The following SNTG1 variants were observed in gnomAD, a reference collection of about 807,000 sequenced individuals.
SNTG1 encodes syntrophin gamma 1.
SNTG1 carries 39 observed loss-of-function variants against 74.7 expected under a neutral mutation model. The observed-to-expected ratio is 0.52, with a 90% CI of 0.40 to 0.68. The LOEUF (loss-of-function observed/expected upper bound fraction) is 0.68. Among genes scored for constraint, SNTG1 ranks in the 30% least tolerant of loss-of-function variants. The pLI is 0.00. For synonymous variants in SNTG1, 254 were observed against 217.1 expected (o/e 1.17, Z -1.49); for missense variants, 685 against 609.5 (o/e 1.12, Z -1.30).
intron 2 of SNTG1, among the ~76,000 whole-genome samples, chr8:50,383,658 A>T (rs1472098389): frequency 6.6e-6 from 1 of 152,108 alleles, no homozygotes; most frequent in African/African-American, 2.4e-5. Flanking sequence ...TGGTAAGGTA[A>T]CCCAAATCTT....
At chr8:50,780,886 A>G (rs1413369420) in intron 18 of SNTG1, among the ~76,000 whole-genome samples, 1 of 152,176 alleles carries the variant, frequency 6.6e-6, no homozygotes, top group Non-Finnish European at 1.5e-5. Context: ...TGTGGCCCAG[A>G]GATTCTGGTA....
At position 50,401,177 on chromosome 8, in the gene SNTG1, T is replaced by C. The variant is rs80059125; in HGVS notation, c.28-1033T>C. Among the ~76,000 whole-genome samples the C allele has an allele frequency of 6.2e-3, 951 of 152,260 alleles. 38 individuals are homozygous for C. The highest frequency in any genetic ancestry group is 0.055 in the Admixed American group (833 of 15,282). On this transcript the variant is annotated intron_variant, in intron 3 of 18. Coordinates refer to ENST00000642720, the MANE Select transcript of SNTG1 (RefSeq NM_018967.5). ...CACTATCTTAAGAATGACTCAATAA[T>C]TATTACAAGAAAATGTCATTTCCAA...
chr8:50,453,171 T>C (rs1235230806), intron 8 of SNTG1, among the ~76,000 whole-genome samples: 1 of 152,220 alleles, frequency 6.6e-6, no homozygotes, highest in Non-Finnish European at 1.5e-5. Context: ...ACTTTTGTGT[T>C]GGAGTTATCA....
chr8:50,184,442 G>A (rs980479091), intron 2 of SNTG1, among the ~76,000 whole-genome samples: 2 of 152,090 alleles, frequency 1.3e-5, no homozygotes, highest in African/African-American at 4.8e-5. Flanking sequence ...GGGATTACAG[G>A]TGTGAGCCAC....
intron 2 of SNTG1, among the ~76,000 whole-genome samples, chr8:50,226,060 G>A (rs771397933): frequency 3.8e-4 from 58 of 152,130 alleles, no homozygotes; most frequent in Non-Finnish European, 7.4e-4. Flanking sequence ...TGCAAATAGT[G>A]TTATTTTTAT....
At chr8:50,755,156 G>T (rs567958751) in intron 18 of SNTG1, among the ~76,000 whole-genome samples, 47 of 151,850 alleles carry the variant, frequency 3.1e-4, no homozygotes, top group African/African-American at 1.1e-3. Context: ...GACTCTTGGT[G>T]TTGCATATGT....
At chr8:49,990,917 G>A (rs1272243241) in intron 1 of SNTG1, among the ~76,000 whole-genome samples, 4 of 152,098 alleles carry the variant, frequency 2.6e-5, no homozygotes, top group African/African-American at 9.7e-5. Flanking sequence ...ATAAGCTTGA[G>A]TAGCAATAGA....
intron 17 of SNTG1, among the ~76,000 whole-genome samples, chr8:50,733,676 A>G (rs574123356): frequency 1.6e-4 from 24 of 151,982 alleles, no homozygotes; most frequent in Non-Finnish European, 3.1e-4. Context: ...TTCTCTGATG[A>G]TTAGTGATGC....
intron 1 of SNTG1, among the ~76,000 whole-genome samples, chr8:50,151,281 G>A (rs1469401672): frequency 1.3e-5 from 2 of 151,818 alleles, no homozygotes; most frequent in African/African-American, 4.8e-5. Context: ...TTTTTATTGG[G>A]TTTATTTTAT....
rs142539030 is a variant in SNTG1, at chr8:50,423,198, G to A, written c.163-15345G>A. ...GGAATCAAAGTAGAAACCAATAACA[G>A]GGAGATACAAGGAAAATCTTCAAAC... On this transcript the variant is annotated intron_variant, in intron 4 of 18. Coordinates refer to ENST00000642720, the MANE Select transcript of SNTG1 (RefSeq NM_018967.5). 7.2e-5 allele frequency among the ~76,000 whole-genome samples: 11 copies of A among 152,268 alleles called. No individual in the cohort carries two copies. In the East Asian group the frequency reaches 1.9e-3, roughly 27 times the overall value.
chr8:50,152,044 T>A (rs2082086609), intron 1 of SNTG1, among the ~76,000 whole-genome samples: 1 of 152,184 alleles, frequency 6.6e-6, no homozygotes, highest in Non-Finnish European at 1.5e-5. Context: ...TGTGGGAGTC[T>A]AAGTCTCTTT....
intron 18 of SNTG1, among the ~76,000 whole-genome samples, chr8:50,774,650 G>C (rs1477658952): frequency 4.0e-5 from 6 of 151,576 alleles, no homozygotes; most frequent in Non-Finnish European, 5.9e-5. Flanking sequence ...ACCATTAAAG[G>C]TAAATACATA....
At chr8:50,228,338 G>GA (rs1435881724) in intron 2 of SNTG1, among the ~76,000 whole-genome samples, 1 of 151,674 alleles carries the variant, frequency 6.6e-6, no homozygotes, top group African/African-American at 2.4e-5. Flanking sequence ...ACCTTACAAA[G>GA]AAAAAAAGAT....
chr8:50,025,625 T>A (rs189111593), intron 1 of SNTG1, among the ~76,000 whole-genome samples: 1 of 152,298 alleles, frequency 6.6e-6, no homozygotes, highest in East Asian at 1.9e-4. Context: ...ATGTCGGTAT[T>A]TTTAAGCCTT....
chr8:49,925,289 T>C (rs1563354227), intron 1 of SNTG1, among the ~76,000 whole-genome samples: 1 of 152,380 alleles, frequency 6.6e-6, no homozygotes, highest in East Asian at 1.9e-4. Flanking sequence ...AAATTTCTCA[T>C]GAAAACTTCT....
At chr8:50,771,336 C>T (rs1374183663) in intron 18 of SNTG1, among the ~76,000 whole-genome samples, 1 of 152,108 alleles carries the variant, frequency 6.6e-6, no homozygotes, top group African/African-American at 2.4e-5. Context: ...TTGCAAAGAA[C>T]CTGACTGCAT....
intron 4 of SNTG1, among the ~76,000 whole-genome samples, chr8:50,415,240 G>A (rs2092999985): frequency 6.6e-6 from 1 of 152,062 alleles, no homozygotes; most frequent in Admixed American, 6.6e-5. Flanking sequence ...GCAGCCTAGA[G>A]GTATTCCAAA....
At chr8:50,722,110 G>GTATGTATGTATATATATACA (rs2095489038) in intron 17 of SNTG1, among the ~76,000 whole-genome samples, 3 of 139,124 alleles carry the variant, frequency 2.2e-5, no homozygotes, top group Non-Finnish European at 4.4e-5. Context: ...TGATCACATT[G>GTATGTATGTATATATATACA]TATGTATGTA....
At chr8:50,220,616 C>A (rs1178231554) in intron 2 of SNTG1, among the ~76,000 whole-genome samples, 2 of 152,042 alleles carry the variant, frequency 1.3e-5, no homozygotes, top group Non-Finnish European at 2.9e-5. Context: ...TACAAACTGG[C>A]AGTTGGGAGG....
Sources: gnomAD v4.1 joint callset for allele counts (sites outside exome capture counted in the v4.1 genomes callset) on GRCh38, gnomAD v4.1.1 for gene constraint, MANE v1.5 for transcripts, NCBI Gene and HGNC (gene_info 2026-07-23, HGNC 2026-07-21) for gene names.